Variants in OPCML observed in about 807,000 individuals in gnomAD.
OPCML encodes opioid-binding protein/cell adhesion molecule.
OPCML carries 13 observed loss-of-function variants against 37.8 expected under a neutral mutation model. The ratio of observed to expected loss-of-function variants is 0.34; its 90% CI spans 0.22 to 0.55. OPCML has a LOEUF of 0.55. OPCML is among the 20% of genes least tolerant of loss of function. OPCML has a pLI of 0.91. For missense variants in OPCML, 341 were observed against 435.6 expected (o/e 0.78, Z 1.93); for synonymous variants, 176 against 168.8 (o/e 1.04, Z -0.33).
intron 1 of OPCML, among the ~76,000 whole-genome samples, chr11:133,042,186 C>A (rs1026802442): frequency 6.6e-6 from 1 of 152,188 alleles, no homozygotes; most frequent in African/African-American, 2.4e-5. Flanking sequence ...ACAGCTGCAG[C>A]GTTCAAGGAA....
chr11:132,868,511 C>T (rs1471768913), intron 2 of OPCML, among the ~76,000 whole-genome samples: 1 of 151,832 alleles, frequency 6.6e-6, no homozygotes, highest in Non-Finnish European at 1.5e-5. Flanking sequence ...TTGAAAAAAA[C>T]TTTGTTTCCT....
intron 1 of OPCML, among the ~76,000 whole-genome samples, chr11:133,036,286 C>T (rs1947782714): frequency 6.6e-6 from 1 of 152,136 alleles, no homozygotes; most frequent in Admixed American, 6.5e-5. Flanking sequence ...TGTGTTTGTA[C>T]ATTTGTAAAA....
chr11:132,428,756 C>T (rs951187462), intron 7 of OPCML, among the ~76,000 whole-genome samples: 1 of 152,172 alleles, frequency 6.6e-6, no homozygotes, highest in African/African-American at 2.4e-5. Flanking sequence ...ATCATTTGTT[C>T]TTTGAGCTCT....
chr11:132,503,063 C>T (rs187918050), intron 4 of OPCML, among the ~76,000 whole-genome samples: 215 of 152,202 alleles, frequency 1.4e-3, no homozygotes, highest in Middle Eastern at 0.01. Context: ...GCAGAGTCAC[C>T]TGGGGTCTTC....
chr11:132,685,738 AAC>A (rs1380537592), intron 2 of OPCML, among the ~76,000 whole-genome samples: 1 of 152,208 alleles, frequency 6.6e-6, no homozygotes, highest in African/African-American at 2.4e-5. Flanking sequence ...ATCAGAAATA[AAC>A]ACAGTTCCTG....
intron 1 of OPCML, among the ~76,000 whole-genome samples, chr11:133,310,450 A>G (rs1188864134): frequency 6.6e-6 from 1 of 152,224 alleles, no homozygotes. Flanking sequence ...GGTAATTGGC[A>G]GAATGGATAC....
chr11:133,369,532 T>A (rs1944626460), intron 1 of OPCML, among the ~76,000 whole-genome samples: 1 of 152,184 alleles, frequency 6.6e-6, no homozygotes, highest in Admixed American at 6.5e-5. Flanking sequence ...AGTTGGCATA[T>A]CTCTACTTTC....
At chr11:133,158,712 AAAAAT>A (rs560451941) in intron 1 of OPCML, among the ~76,000 whole-genome samples, 1,413 of 134,238 alleles carry the variant, frequency 0.011, 27 homozygotes, top group African/African-American at 0.032. Context: ...ATAAAATTAA[AAAAAT>A]AAAATAAAAT....
At chr11:132,688,572 C>T (rs1943261438) in intron 2 of OPCML, among the ~76,000 whole-genome samples, 2 of 152,032 alleles carry the variant, frequency 1.3e-5, no homozygotes, top group South Asian at 4.1e-4. Context: ...TTCAATGCAG[C>T]CTGGAAATAA....
At chr11:132,578,257 A>G (rs1169639007) in intron 3 of OPCML, among the ~76,000 whole-genome samples, 2 of 152,116 alleles carry the variant, frequency 1.3e-5, no homozygotes, top group African/African-American at 4.8e-5. Flanking sequence ...CTATTTTCCA[A>G]ACTGAGTTTG....
At chr11:133,016,977 C>G (rs1947346199) in intron 1 of OPCML, among the ~76,000 whole-genome samples, 1 of 152,186 alleles carries the variant, frequency 6.6e-6, no homozygotes, top group Admixed American at 6.5e-5. Flanking sequence ...GTGTTTTTAA[C>G]AAGCTGTAAC....
chr11:132,735,135 TG>T (rs1454894539), intron 2 of OPCML, among the ~76,000 whole-genome samples: 1 of 152,172 alleles, frequency 6.6e-6, no homozygotes, highest in Non-Finnish European at 1.5e-5. Flanking sequence ...GTACTGGTTT[TG>T]AATACTCCCA....
chr11:132,839,578 A>C (rs1182154016), intron 2 of OPCML, among the ~76,000 whole-genome samples: 1 of 152,190 alleles, frequency 6.6e-6, no homozygotes, highest in African/African-American at 2.4e-5. Flanking sequence ...AAATGAGGAC[A>C]AGGCTGGAGA....
chr11:133,479,665 C>T (rs1306613695), intron 1 of OPCML, among the ~76,000 whole-genome samples: 2 of 152,344 alleles, frequency 1.3e-5, no homozygotes, highest in East Asian at 1.9e-4. Flanking sequence ...ACTGCTCACA[C>T]TGTTGAGTGG....
At chr11:132,600,819 C>CTGTTGATTCAA (rs1434817457) in intron 3 of OPCML, among the ~76,000 whole-genome samples, 1 of 139,412 alleles carries the variant, frequency 7.2e-6, no homozygotes, top group Non-Finnish European at 1.6e-5. Flanking sequence ...TAGTAAATAT[C>CTGTTGATTCAA]TGTTGATTCA....
chr11:133,198,053 C>T (rs1277345511), intron 1 of OPCML, among the ~76,000 whole-genome samples: 1 of 152,172 alleles, frequency 6.6e-6, no homozygotes, highest in Non-Finnish European at 1.5e-5. Context: ...CACTTCTACG[C>T]TAGCAGAAAA....
In OPCML at chr11:133,008,889, C is replaced by T. The variant is rs1031141493; in HGVS notation, c.62-65879G>A. The T allele has an allele frequency of 3.0e-6, 3 of 985,278 alleles. No homozygotes were observed. The East Asian group carries it at 3.4e-4, about 112-fold the overall frequency. The allele number at this position is 985,278 out of a possible 1,614,324, so 61.0% of individuals were successfully genotyped here. The stretch of plus-strand genomic sequence containing the variant: ...TGGAGCCCAACCTAATATATCTGGT[C>T]ATATGAGTGATCTGCACATAAACAC... On this transcript the variant is annotated intron_variant, in intron 1 of 7. Transcript: ENST00000524381.
intron 3 of OPCML, among the ~76,000 whole-genome samples, chr11:132,638,983 G>A (rs1258567652): frequency 6.6e-6 from 1 of 152,006 alleles, no homozygotes; most frequent in Non-Finnish European, 1.5e-5. Context: ...GAATTTGTTG[G>A]GTGACTACAG....
chr11:132,528,083 G>C (rs2096313460), intron 4 of OPCML, among the ~76,000 whole-genome samples: 1 of 152,124 alleles, frequency 6.6e-6, no homozygotes, highest in Non-Finnish European at 1.5e-5. Context: ...GAAGTGAGGA[G>C]ATAAATTTCT....
Sources: gnomAD v4.1 joint callset for allele counts (sites outside exome capture counted in the v4.1 genomes callset) on GRCh38, gnomAD v4.1.1 for gene constraint, MANE v1.5 for transcripts, NCBI Gene and HGNC (gene_info 2026-07-23, HGNC 2026-07-21) for gene names.